The following CCDC30 variants were observed in gnomAD, a reference collection of about 807,000 sequenced individuals.
The protein encoded by CCDC30 is coiled-coil domain containing 30.
In CCDC30, 70 loss-of-function variants were observed where a neutral mutation model predicts 100.2. That is an observed-to-expected ratio of 0.70 (90% CI 0.58 to 0.85). The LOEUF (loss-of-function observed/expected upper bound fraction) is 0.85, where lower values mean the gene tolerates loss of function less well. CCDC30 is among the 40% of genes least tolerant of loss of function. CCDC30 has a pLI of 0.00. For synonymous variants in CCDC30, 233 were observed against 269.5 expected (o/e 0.86, Z 1.33); for missense variants, 652 against 771.2 (o/e 0.85, Z 1.83).
chr1:42,473,189 C>T (rs1181840047), intron 1 of CCDC30: 6 of 1,231,076 alleles, frequency 4.9e-6, no homozygotes, highest in South Asian at 4.1e-5. Flanking sequence ...CTTGCTACTA[C>T]AGAAGAACAA....
the CCDC30 span, chr1:42,456,694 C>T: frequency 6.2e-7 from 1 of 1,606,460 alleles, no homozygotes. Context: ...TTACGTCAGG[C>T]GGCACCAAGG....
intron 6 of CCDC30, among the ~76,000 whole-genome samples, chr1:42,510,722 T>C (rs1644464889): frequency 6.6e-6 from 1 of 151,396 alleles, no homozygotes; most frequent in South Asian, 2.1e-4. Flanking sequence ...TTGGCCTAAG[T>C]CTCCCTTTAT....
At chr1:42,490,049 G>A (rs1644113088) in intron 3 of CCDC30, 109 bp from the exon 4 acceptor site, 3 of 389,996 alleles carry the variant, frequency 7.7e-6, no homozygotes, top group Non-Finnish European at 1.3e-5. Flanking sequence ...GAAACTCCTA[G>A]GACAGTAGCC....
intron 15 of CCDC30, 79 bp downstream of exon 19, chr1:42,646,396 A>G: frequency 7.6e-7 from 1 of 1,319,712 alleles, no homozygotes; most frequent in Non-Finnish European, 9.7e-7. Context: ...AAATCTCTCA[A>G]CTTATGGTTT....
intron 2 of CCDC30, 130 bp from the exon 3 acceptor site, chr1:42,482,533 A>T (rs200845673): frequency 2.3e-5 from 8 of 347,534 alleles, no homozygotes; most frequent in South Asian, 3.0e-4. Context: ...ACACACACTC[A>T]CACACACAAA....
intron 6 of CCDC30, 148 bp downstream of exon 9, chr1:42,545,727 G>T (rs963318676): frequency 6.5e-6 from 3 of 462,928 alleles, no homozygotes; most frequent in Non-Finnish European, 1.1e-5. Flanking sequence ...CAGGCAGATC[G>T]CTTGAGCTCA....
intron 6 of CCDC30, among the ~76,000 whole-genome samples, chr1:42,512,547 A>G (rs1644494653): frequency 6.6e-6 from 1 of 152,202 alleles, no homozygotes; most frequent in African/African-American, 2.4e-5. Flanking sequence ...TAACAGGATC[A>G]CTTCCCTGAG....
In CCDC30 at chr1:42,595,817, C is replaced by T. The variant is rs537145618; in HGVS notation, c.1164+6334C>T. 1.1e-4 allele frequency among the ~76,000 whole-genome samples: 17 copies of T among 152,278 alleles called. No individual in the cohort carries two copies. The South Asian group carries it at 3.3e-3, about 30-fold the overall frequency. ...AATATATATTCCTGCTATCATGCAC[C>T]TTGTCCATGAGCCCTCTAAGCAGGC... On this transcript the variant is annotated intron_variant, in intron 10 of 16. Coordinates refer to ENST00000668663, the Ensembl canonical transcript of CCDC30.
intron 9 of CCDC30, among the ~76,000 whole-genome samples, chr1:42,585,336 G>A (rs1208538658): frequency 2.0e-5 from 3 of 152,118 alleles, no homozygotes; most frequent in Admixed American, 2.0e-4. Context: ...CTGCATTCAA[G>A]TGATACTCCT....
At chr1:42,511,975 C>T (rs1013649587) in intron 6 of CCDC30, among the ~76,000 whole-genome samples, 3 of 152,052 alleles carry the variant, frequency 2.0e-5, no homozygotes, top group Non-Finnish European at 4.4e-5. Flanking sequence ...AGAGATTTAC[C>T]CACATATTTA....
chr1:42,630,807 T>C (rs1647024196), intron 11 of CCDC30, among the ~76,000 whole-genome samples: 1 of 152,220 alleles, frequency 6.6e-6, no homozygotes, highest in Non-Finnish European at 1.5e-5. Flanking sequence ...GAATTTCCTC[T>C]TGATTCTTTT....
chr1:42,635,694 G>A (rs533537772), intron 11 of CCDC30, among the ~76,000 whole-genome samples: 4 of 151,554 alleles, frequency 2.6e-5, no homozygotes, highest in African/African-American at 7.3e-5. Context: ...CTGTAGTCCC[G>A]CTACTCAGGA....
chr1:42,549,534 T>G (rs1645207504), intron 6 of CCDC30, among the ~76,000 whole-genome samples: 1 of 152,156 alleles, frequency 6.6e-6, no homozygotes, highest in African/African-American at 2.4e-5. Flanking sequence ...GAAAATGAGC[T>G]TTATGGTGCT....
At chr1:42,649,996 T>C (rs1648195263) in intron 15 of CCDC30, among the ~76,000 whole-genome samples, 1 of 152,178 alleles carries the variant, frequency 6.6e-6, no homozygotes, top group African/African-American at 2.4e-5. Context: ...AAAGAATTAA[T>C]ATTGCTAAAA....
At chr1:42,606,439 G>A (rs866853938) in intron 10 of CCDC30, among the ~76,000 whole-genome samples, 44 of 152,148 alleles carry the variant, frequency 2.9e-4, no homozygotes, top group Middle Eastern at 3.4e-3. Context: ...TACCACACCT[G>A]GCTAATTTTT....
At chr1:42,629,677 G>A (rs1374107019) in intron 11 of CCDC30, among the ~76,000 whole-genome samples, 1 of 151,666 alleles carries the variant, frequency 6.6e-6, no homozygotes, top group Non-Finnish European at 1.5e-5. Context: ...TGTCACCCAG[G>A]CTGGAGTGCA....
intron 6 of CCDC30, among the ~76,000 whole-genome samples, chr1:42,559,307 T>A (rs1022468308): frequency 2.6e-5 from 4 of 152,086 alleles, no homozygotes; most frequent in Admixed American, 6.5e-5. Context: ...TAACCTTAAA[T>A]GTAAATGAGC....
rs1557852505 is a variant in CCDC30 at position 42,557,636 on chromosome 1, A to AAATAAAATATTTTATTTATATTAAATAT, written c.457-8659_457-8658insATAAAATATTTTATTTATATTAAATATA. Among the ~76,000 whole-genome samples, 35 of 112,830 alleles carry AAATAAAATATTTTATTTATATTAAATAT rather than the reference A, an allele frequency of 3.1e-4. No homozygotes were observed. In the South Asian group the frequency reaches 4.3e-3, roughly 14 times the overall value. The allele number at this position is 112,830 out of a possible 152,430, so 74.0% of individuals were successfully genotyped here. On this transcript the variant is annotated intron_variant, in intron 6 of 16. Transcript: ENST00000668663. ...ATTTTAAACAATAAAATATTTAAAT[A>AAATAAAATATTTTATTTATATTAAATAT]ATTAAATAAAATATTTTATTTATAT...
At chr1:42,599,487 G>A (rs2148622476) in intron 10 of CCDC30, among the ~76,000 whole-genome samples, 1 of 152,200 alleles carries the variant, frequency 6.6e-6, no homozygotes, top group South Asian at 2.1e-4. Context: ...AAAAAGCATG[G>A]AAGACAAAAA....
Sources: allele counts gnomAD v4.1 joint callset (sites outside exome capture counted in the v4.1 genomes callset), GRCh38; gene constraint gnomAD v4.1.1; transcripts MANE v1.5; gene names NCBI Gene and HGNC (gene_info 2026-07-23, HGNC 2026-07-21).